FBN3: variants seen among roughly 807,000 people sequenced by gnomAD.
The protein encoded by FBN3 is fibrillin-3.
A neutral mutation model predicts 330.1 loss-of-function variants in FBN3; 234 were observed. The observed-to-expected ratio is 0.71, with a 90% CI of 0.64 to 0.79. The LOEUF (loss-of-function observed/expected upper bound fraction) is 0.79, where lower values mean the gene tolerates loss of function less well. Ranked by LOEUF, FBN3 falls within the 30% of genes least tolerant of loss-of-function variation. FBN3 has a pLI of 0.00. For missense variants in FBN3, 3,606 were observed against 3,886.9 expected, an observed-to-expected ratio of 0.93 and a Z score of 1.92; for synonymous variants, 1,458 against 1,517.3, an observed-to-expected ratio of 0.96 and a Z score of 0.91.
At chr19:8,070,003 C>A (rs889049202) in intron 63 of FBN3, among the ~76,000 whole-genome samples, 1 of 152,204 alleles carries the variant, frequency 6.6e-6, no homozygotes, top group African/African-American at 2.4e-5. Context: ...CCCTGACAAC[C>A]ACTCACTCAC....
At chr19:8,087,296 G>T in intron 53 of FBN3, 85 bp from the exon 54 acceptor site, 1 of 1,437,674 alleles carries the variant, frequency 7.0e-7, no homozygotes, top group Admixed American at 2.6e-5. Flanking sequence ...CGTCAGCCCT[G>T]TGGGACCTGA....
intron 6 of FBN3, 60 bp from the exon 7 acceptor site, chr19:8,142,197 C>A (rs541152486): frequency 7.3e-7 from 1 of 1,361,692 alleles, no homozygotes; most frequent in Non-Finnish European, 1.0e-6. Flanking sequence ...GAGATCTCTG[C>A]GTCTCTAACA....
intron 46 of FBN3, 41 bp from the exon 47 acceptor site, chr19:8,094,606 T>G (rs777993137): frequency 1.7e-5 from 27 of 1,592,546 alleles, no homozygotes; most frequent in Non-Finnish European, 2.1e-5. Context: ...CCAGCCAGGA[T>G]GCAGGGGGCT....
intron 23 of FBN3, 97 bp downstream of exon 23, chr19:8,123,687 C>A: frequency 6.3e-7 from 1 of 1,592,588 alleles, no homozygotes; most frequent in Non-Finnish European, 8.6e-7. Flanking sequence ...TTACCCACAT[C>A]CCCTTTTCCC....
rs563850628 is a variant in FBN3, at chr19:8,148,235, G to A, written c.-17-738C>T. 1.6e-4 allele frequency among the ~76,000 whole-genome samples: 25 copies of A among 152,188 alleles called. No individual in the cohort carries two copies. In the East Asian group the frequency reaches 2.3e-3, roughly 14 times the overall value. ...TTGCCTGGGCTGTGCACCCTTAGCC[G>A]CAAGACCCTTTTCTAACATCACACC... On this transcript the variant is annotated intron_variant, in intron 1 of 63. Coordinates refer to ENST00000600128, the MANE Select transcript of FBN3 (RefSeq NM_032447.5).
chr19:8,130,751 C>A (rs2083127219), intron 16 of FBN3, among the ~76,000 whole-genome samples: 1 of 149,582 alleles, frequency 6.7e-6, no homozygotes, highest in South Asian at 2.1e-4. Flanking sequence ...GCCTGTAGTC[C>A]CAGCTACTCA....
chr19:8,132,181 G>A (rs1478812809), intron 14 of FBN3, among the ~76,000 whole-genome samples: 1 of 152,052 alleles, frequency 6.6e-6, no homozygotes, highest in African/African-American at 2.4e-5. Context: ...GAGTAGGAGG[G>A]ACTACAGGGG....
chr19:8,143,492 C>CTTTTTTTTT (rs1472260736), intron 6 of FBN3, among the ~76,000 whole-genome samples: 3 of 122,790 alleles, frequency 2.4e-5, no homozygotes, highest in African/African-American at 1.0e-4. Flanking sequence ...TTTTTCTTTT[C>CTTTTTTTTT]TTTTCTTTTT....
intron 14 of FBN3, 77 bp downstream of exon 14, chr19:8,132,907 C>T: frequency 6.9e-7 from 1 of 1,458,234 alleles, no homozygotes; most frequent in Non-Finnish European, 9.1e-7. Context: ...CGTCCGGTCC[C>T]TCTCCTCTTC....
At chr19:8,122,245 G>A (rs1048392944) in intron 24 of FBN3, among the ~76,000 whole-genome samples, 1 of 151,924 alleles carries the variant, frequency 6.6e-6, no homozygotes, top group African/African-American at 2.4e-5. Flanking sequence ...CAAACTCTTG[G>A]GCTCAAGCAA....
In FBN3 at chr19:8,143,819, C is replaced by CT. The variant is rs1225164430; in HGVS notation, c.541+1057dup. 4.9e-4 allele frequency among the ~76,000 whole-genome samples: 58 copies of CT among 117,660 alleles called. No homozygotes were observed. In the Middle Eastern group the frequency reaches 0.017, roughly 34 times the overall value. The allele number at this position is 117,660 out of a possible 152,430, so 77.2% of individuals were successfully genotyped here. ...CTTTTCTTTCTTTCTTTCTTTCTTTCTTTTTTTTTTTTAAGAGACAGAGGG... is the reference window on the plus strand; with the variant it reads ...CTTTTCTTTCTTTCTTTCTTTCTTTCTTTTTTTTTTTTTAAGAGACAGAGGG... On this transcript the variant is annotated intron_variant, in intron 6 of 63. Coordinates refer to ENST00000600128, the MANE Select transcript of FBN3 (RefSeq NM_032447.5).
At chr19:8,075,001 GTCTGTTAGTCGCCTGC>G in intron 61 of FBN3, 54 bp downstream of exon 61, 1 of 1,531,700 alleles carries the variant, frequency 6.5e-7, no homozygotes, top group South Asian at 1.3e-5. Flanking sequence ...GCAGGGTGGC[GTCTGTTAGTCGCCTGC>G]TCTGAGCAGA....
intron 57 of FBN3, among the ~76,000 whole-genome samples, chr19:8,082,889 C>CAT (rs35129716): frequency 0.62 from 93,867 of 151,224 alleles, 30,593 homozygotes; most frequent in African/African-American, 0.82. Context: ...GTGGCACAAT[C>CAT]AGCTCACTGC....
At chr19:8,098,119 G>A (rs947280705) in intron 41 of FBN3, among the ~76,000 whole-genome samples, 1 of 152,210 alleles carries the variant, frequency 6.6e-6, no homozygotes, top group East Asian at 1.9e-4. Context: ...CACTTTAAAT[G>A]GGTGAAGTGT....
At position 8,066,263 on chromosome 19, in the gene FBN3, G is replaced by T. The variant is rs955076879; in HGVS notation, c.8089-3C>A. 12 of 1,535,408 alleles carry T rather than the reference G, an allele frequency of 7.8e-6. No homozygotes were observed. The highest frequency in any genetic ancestry group is 2.4e-5 in the East Asian group (1 of 41,886). On this transcript the variant is annotated splice_polypyrimidine_tract_variant and splice_region_variant and intron_variant, in intron 63 of 63. Coordinates refer to ENST00000600128, the MANE Select transcript of FBN3 (RefSeq NM_032447.5). Reference sequence around the variant, plus strand: ...GAGTCAAGGGTGGCCAGGTTCACCTGGGAAGAAAGGCCAGGTGTGTGGTCA... The same window carrying T: ...GAGTCAAGGGTGGCCAGGTTCACCTTGGAAGAAAGGCCAGGTGTGTGGTCA...
intron 24 of FBN3, among the ~76,000 whole-genome samples, chr19:8,122,445 C>T (rs918387909): frequency 1.3e-5 from 2 of 152,172 alleles, no homozygotes; most frequent in Non-Finnish European, 2.9e-5. Context: ...TGGCTTACTG[C>T]AACCTCCGCC....
intron 13 of FBN3, among the ~76,000 whole-genome samples, chr19:8,133,313 T>G (rs1198964924): frequency 6.6e-6 from 1 of 152,252 alleles, no homozygotes; most frequent in African/African-American, 2.4e-5. Flanking sequence ...CCTGTCTTAC[T>G]CAGGCTGCAA....
chr19:8,089,894 C>A lies in FBN3; in HGVS notation c.6250G>T (p.Asp2084Tyr). The A allele has an allele frequency of 6.3e-7, 1 of 1,595,954 alleles. No homozygotes were observed. ...CTTAGCATGTGGGTGAGGGGCTCAC[C>A]TTCTCGGGAGTCATCCGGGCCTGGG... is the stretch of plus-strand genomic sequence containing the variant. Reference protein sequence around the residue: ...AVPGPDDSREDVNECAENPGV... With the variant: ...AVPGPDDSREYVNECAENPGV... The change falls in exon 50 of 64, where the codon GAC becomes TAC. Residue 2084 changes from aspartate to tyrosine, a missense_variant and splice_region_variant. Physicochemically the swap from Asp to Tyr is radical, Grantham distance 160 (BLOSUM62 -3). Coordinates refer to ENST00000600128, the MANE Select transcript of FBN3 (RefSeq NM_032447.5).
At chr19:8,146,454 G>A (rs1256222276) in intron 3 of FBN3, among the ~76,000 whole-genome samples, 1 of 152,248 alleles carries the variant, frequency 6.6e-6, no homozygotes, top group African/African-American at 2.4e-5. Flanking sequence ...CTCTGCTAGA[G>A]CCATGGGGAG....
Sources: allele counts gnomAD v4.1 joint callset (sites outside exome capture counted in the v4.1 genomes callset), GRCh38; gene constraint gnomAD v4.1.1; transcripts MANE v1.5; gene names NCBI Gene and HGNC (gene_info 2026-07-23, HGNC 2026-07-21).